The following SLCO1B3 variants were observed in gnomAD, a reference collection of about 807,000 sequenced individuals.
SLCO1B3 encodes solute carrier organic anion transporter family member 1B3.
A neutral mutation model predicts 71.8 loss-of-function variants in SLCO1B3; 72 were observed. The observed-to-expected ratio is 1.00, with a 90% CI of 0.83 to 1.22. SLCO1B3 has a LOEUF of 1.22. SLCO1B3 is among the 50% of genes most tolerant of loss of function. The probability of loss-of-function intolerance (pLI) is 0.00; values close to 1 mark genes in which losing one functional copy is unlikely to be tolerated. For missense variants in SLCO1B3, 911 were observed against 819.7 expected (o/e 1.11, Z -1.36); for synonymous variants, 298 against 278.4 (o/e 1.07, Z -0.70).
intron 3 of SLCO1B3, among the ~76,000 whole-genome samples, chr12:20,852,963 A>C (rs1483897485): frequency 1.3e-5 from 2 of 152,058 alleles, no homozygotes; most frequent in Non-Finnish European, 2.9e-5. Flanking sequence ...GGTTGAATTA[A>C]TATTAATGTT....
chr12:20,828,456 A>T (rs1387659209), intron 3 of SLCO1B3, among the ~76,000 whole-genome samples: 1 of 152,140 alleles, frequency 6.6e-6, no homozygotes, highest in African/African-American at 2.4e-5. Flanking sequence ...AAGGAATCCC[A>T]GGCTGTTAGA....
At chr12:20,909,332 ATTTTTTTTT>A (rs36075263) in intron 15 of SLCO1B3, among the ~76,000 whole-genome samples, 1 of 138,816 alleles carries the variant, frequency 7.2e-6, no homozygotes. Flanking sequence ...CGCCTGGCTA[ATTTTTTTTT>A]TTTTTGTATT....
intron 3 of SLCO1B3, among the ~76,000 whole-genome samples, chr12:20,833,458 T>G (rs1482269871): frequency 6.7e-6 from 1 of 149,494 alleles, no homozygotes; most frequent in African/African-American, 2.4e-5. Flanking sequence ...ATATATAGTT[T>G]GATATATAAA....
chr12:20,828,646 T>TACACAC (rs142800781), intron 3 of SLCO1B3, among the ~76,000 whole-genome samples: 50 of 149,670 alleles, frequency 3.3e-4, no homozygotes, highest in East Asian at 5.9e-4. Context: ...CACACACACA[T>TACACAC]ACACACACAC....
intron 8 of SLCO1B3, among the ~76,000 whole-genome samples, chr12:20,867,381 C>T (rs1865393003): frequency 6.6e-6 from 1 of 151,304 alleles, no homozygotes; most frequent in Non-Finnish European, 1.5e-5. Flanking sequence ...TGCATAGCTT[C>T]ATGGAATTCA....
rs552798414 is a variant in SLCO1B3, at chr12:20,916,404, C to T, written c.*157C>T. The T allele has an allele frequency of 3.3e-6, 2 of 607,966 alleles. No homozygotes were observed. Among genetic ancestry groups the T allele is most frequent in the Non-Finnish European group, 5.6e-6 (2 of 357,232 alleles). The allele number at this position is 607,966 out of a possible 1,614,324, so 37.7% of individuals were successfully genotyped here. A position where few individuals can be genotyped will look rare whatever the true frequency, so the allele number is the denominator to read the frequency against. On this transcript the variant is annotated 3_prime_UTR_variant, in exon 16 of 16. Transcript: ENST00000381545. ...TACCCATGGTTAGGATATAGCTATG[C>T]CTTTATGGTTAAGATTAGAATATAT...
intron 6 of SLCO1B3, among the ~76,000 whole-genome samples, chr12:20,861,717 A>C (rs1219152271): frequency 1.4e-5 from 2 of 140,076 alleles, no homozygotes; most frequent in Non-Finnish European, 3.1e-5. Flanking sequence ...TTTTAACCCC[A>C]AAATTTATTA....
intron 8 of SLCO1B3, among the ~76,000 whole-genome samples, chr12:20,874,159 C>G (rs1273039303): frequency 6.6e-6 from 1 of 152,120 alleles, no homozygotes; most frequent in Non-Finnish European, 1.5e-5. Flanking sequence ...ATTTCTGGTT[C>G]TAGATCCTTG....
chr12:20,816,497 A>G (rs1864196402), intron 3 of SLCO1B3, among the ~76,000 whole-genome samples: 1 of 152,158 alleles, frequency 6.6e-6, no homozygotes, highest in African/African-American at 2.4e-5. Flanking sequence ...TAACATAATG[A>G]TCTCCAGTTC....
intron 8 of SLCO1B3, among the ~76,000 whole-genome samples, chr12:20,869,325 G>T (rs1268347912): frequency 6.6e-6 from 1 of 152,150 alleles, no homozygotes; most frequent in Non-Finnish European, 1.5e-5. Context: ...CTTGTCTTTT[G>T]GTCACTTCTC....
rs372493449 is a variant in SLCO1B3, at chr12:20,877,944, A to G, written c.1135+8A>G. On this transcript the variant is annotated splice_region_variant and intron_variant, in intron 10 of 15. Transcript: ENST00000381545. Reference sequence around the variant, plus strand: ...ATGCTAACTTTTTGTTGGGTAAGACATATTTTTTACCTGTTTGCTTGATAA... The same window carrying G: ...ATGCTAACTTTTTGTTGGGTAAGACGTATTTTTTACCTGTTTGCTTGATAA... The G allele has an allele frequency of 1.1e-5, 17 of 1,575,228 alleles. No homozygotes were observed. The African/African-American group carries it at 1.7e-4, about 15-fold the overall frequency.
chr12:20,817,464 C>G (rs1158686480), intron 3 of SLCO1B3, among the ~76,000 whole-genome samples: 1 of 152,072 alleles, frequency 6.6e-6, no homozygotes, highest in Non-Finnish European at 1.5e-5. Flanking sequence ...ATGTTCCTGG[C>G]ACCTTTGTCA....
chr12:20,841,574 T>C (rs2121173341), intron 3 of SLCO1B3, among the ~76,000 whole-genome samples: 1 of 152,322 alleles, frequency 6.6e-6, no homozygotes, highest in African/African-American at 2.4e-5. Flanking sequence ...TCTCTTTTTC[T>C]TTTCAACTTT....
Position 20,867,418 on chromosome 12 carries a change from A to T in SLCO1B3, c.727+4564A>T, listed in dbSNP as rs572896555. On this transcript the variant is annotated intron_variant, in intron 8 of 15. Transcript: ENST00000381545. ...AACCATTCAAGAAAATTATGAAGAGATTGTGGATATGGCCAAAAAAAAAAA... is the reference window on the plus strand; with the variant it reads ...AACCATTCAAGAAAATTATGAAGAGTTTGTGGATATGGCCAAAAAAAAAAA... 3.3e-5 allele frequency among the ~76,000 whole-genome samples: 5 copies of T among 151,872 alleles called. No individual in the cohort carries two copies. The East Asian group carries it at 9.7e-4, about 30-fold the overall frequency.
intron 8 of SLCO1B3, among the ~76,000 whole-genome samples, chr12:20,866,887 C>A (rs1865382794): frequency 6.6e-6 from 1 of 152,040 alleles, no homozygotes; most frequent in South Asian, 2.1e-4. Flanking sequence ...AATCCCTAAG[C>A]CTTGAAGGGG....
intron 3 of SLCO1B3, among the ~76,000 whole-genome samples, chr12:20,816,970 C>T (rs942507956): frequency 6.6e-6 from 1 of 152,176 alleles, no homozygotes; most frequent in African/African-American, 2.4e-5. Flanking sequence ...AGCACTTCTT[C>T]CTATGCCTGT....
chr12:20,896,173 A>G (rs1866003260), intron 13 of SLCO1B3, among the ~76,000 whole-genome samples: 1 of 151,602 alleles, frequency 6.6e-6, no homozygotes, highest in Middle Eastern at 3.2e-3. Context: ...CATGTCCTAA[A>G]GACATTTTCC....
At chr12:20,858,608 C>A (rs1292059074) in intron 5 of SLCO1B3, 37 bp downstream of exon 5, 2 of 1,558,460 alleles carry the variant, frequency 1.3e-6, no homozygotes, top group Non-Finnish European at 8.7e-7. Flanking sequence ...TTATTATCAG[C>A]TACTTGTAAA....
At chr12:20,895,217 C>T (rs958729269) in intron 13 of SLCO1B3, among the ~76,000 whole-genome samples, 1 of 152,168 alleles carries the variant, frequency 6.6e-6, no homozygotes, top group Non-Finnish European at 1.5e-5. Context: ...CATGTCCTCA[C>T]ATTTCAATAC....
Sources: allele counts gnomAD v4.1 joint callset (sites outside exome capture counted in the v4.1 genomes callset), GRCh38; gene constraint gnomAD v4.1.1; transcripts MANE v1.5; gene names NCBI Gene and HGNC (gene_info 2026-07-23, HGNC 2026-07-21).